XNDC1N: variants seen among roughly 807,000 people sequenced by gnomAD.
XNDC1N encodes protein XNDC1N.
chr11:71,912,095 T>C, the XNDC1N span, among the ~76,000 whole-genome samples: 7,408 of 152,196 alleles, frequency 0.049, 208 homozygotes, highest in African/African-American at 0.079. Flanking sequence ...GTTGTTAGGC[T>C]GGTATTTCTA....
At chr11:71,894,050 T>C in the XNDC1N span, 23 of 580,306 alleles carry the variant, frequency 4.0e-5, no homozygotes, top group Non-Finnish European at 1.5e-5. Flanking sequence ...GACAGCGTCA[T>C]CAATAGCATA....
chr11:71,896,860 G>C, the XNDC1N span, among the ~76,000 whole-genome samples: 32 of 152,326 alleles, frequency 2.1e-4, no homozygotes, highest in South Asian at 6.6e-3. Flanking sequence ...GACTGCGGCC[G>C]GCCCATGCTG....
At chr11:71,867,193 A>C in the XNDC1N span, among the ~76,000 whole-genome samples, 17 of 152,258 alleles carry the variant, frequency 1.1e-4, no homozygotes, top group African/African-American at 4.1e-4. Context: ...AATCACAATG[A>C]CCCAACTACT....
chr11:71,891,040 A>T, the XNDC1N span, among the ~76,000 whole-genome samples: 3 of 152,004 alleles, frequency 2.0e-5, no homozygotes, highest in Non-Finnish European at 4.4e-5. Context: ...GACATTAGGA[A>T]GGGTATCAGG....
chr11:71,907,537 C>T, the XNDC1N span, among the ~76,000 whole-genome samples: 1 of 151,988 alleles, frequency 6.6e-6, no homozygotes, highest in South Asian at 2.1e-4. Context: ...GTAATATCAC[C>T]TCCCCCTCTG....
chr11:71,901,158 CCT>C, the XNDC1N span, among the ~76,000 whole-genome samples: 1 of 152,132 alleles, frequency 6.6e-6, no homozygotes, highest in African/African-American at 2.4e-5. Context: ...CTCCCTTGCC[CCT>C]GTTCCTGGCT....
At chr11:71,926,538 A>G in the XNDC1N span, among the ~76,000 whole-genome samples, 11 of 152,200 alleles carry the variant, frequency 7.2e-5, no homozygotes, top group African/African-American at 2.7e-4. Flanking sequence ...GTAATAAATG[A>G]TGTTCAGGAA....
the XNDC1N span, among the ~76,000 whole-genome samples, chr11:71,902,772 G>A: frequency 1.3e-5 from 2 of 152,188 alleles, no homozygotes; most frequent in African/African-American, 4.8e-5. Context: ...CAATCTCGTA[G>A]AATAAATAAA....
chr11:71,879,087 T>A, the XNDC1N span, among the ~76,000 whole-genome samples: 1 of 152,022 alleles, frequency 6.6e-6, no homozygotes, highest in Non-Finnish European at 1.5e-5. Flanking sequence ...ACACAGGAAA[T>A]TTAAAGAATT....
At chr11:71,888,067 C>T in the XNDC1N span, among the ~76,000 whole-genome samples, 4 of 151,842 alleles carry the variant, frequency 2.6e-5, no homozygotes, top group African/African-American at 7.2e-5. Flanking sequence ...ACCTAGGCTG[C>T]GTGTTGCTCT....
the XNDC1N span, among the ~76,000 whole-genome samples, chr11:71,878,791 GC>G: frequency 5.1e-4 from 77 of 151,654 alleles, 1 homozygote; most frequent in African/African-American, 1.6e-3. Flanking sequence ...TTCTAGACCA[GC>G]CCGGTGGGGG....
the XNDC1N span, chr11:71,917,491 G>A: frequency 1.5e-6 from 1 of 681,932 alleles, no homozygotes; most frequent in Non-Finnish European, 2.7e-6. Flanking sequence ...GCCCCCAACA[G>A]ATATAATTAA....
At chr11:71,909,299 G>A in the XNDC1N span, among the ~76,000 whole-genome samples, 9 of 151,152 alleles carry the variant, frequency 6.0e-5, no homozygotes, top group Non-Finnish European at 1.2e-4. Flanking sequence ...ATGCCGACCT[G>A]TTTGTCAGCT....
the XNDC1N span, among the ~76,000 whole-genome samples, chr11:71,913,445 G>C: frequency 6.6e-6 from 1 of 152,040 alleles, no homozygotes; most frequent in Non-Finnish European, 1.5e-5. Flanking sequence ...TGGATCACAA[G>C]GTCACAAGAT....
At chr11:71,921,424 G>A in the XNDC1N span, among the ~76,000 whole-genome samples, 1 of 151,958 alleles carries the variant, frequency 6.6e-6, no homozygotes, top group East Asian at 1.9e-4. Flanking sequence ...GATTACAGGT[G>A]TAAGCCACCG....
chr11:71,915,597 T>C, the XNDC1N span, among the ~76,000 whole-genome samples: 1 of 152,212 alleles, frequency 6.6e-6, no homozygotes, highest in Non-Finnish European at 1.5e-5. Flanking sequence ...GGTATGCCTG[T>C]ATACATGTGT....
the XNDC1N span, among the ~76,000 whole-genome samples, chr11:71,927,309 G>A: frequency 1.3e-5 from 2 of 152,132 alleles, no homozygotes; most frequent in African/African-American, 4.8e-5. Flanking sequence ...CGAGGCGGGT[G>A]GATCACTTAA....
the XNDC1N span, chr11:71,928,509 G>C: frequency 2.8e-6 from 2 of 702,362 alleles, no homozygotes; most frequent in Admixed American, 2.0e-5. Flanking sequence ...ATGCGTTCTG[G>C]GGCTTCAAGA....
At chr11:71,894,091 T>A in the XNDC1N span, 1 of 482,810 alleles carries the variant, frequency 2.1e-6, no homozygotes, top group African/African-American at 2.0e-5. Flanking sequence ...TATGTTTGGT[T>A]TTCTTCCCAT....
Sources: gnomAD v4.1 joint callset for allele counts (sites outside exome capture counted in the v4.1 genomes callset) on GRCh38, gnomAD v4.1.1 for gene constraint, MANE v1.5 for transcripts, NCBI Gene and HGNC (gene_info 2026-07-23, HGNC 2026-07-21) for gene names.